The following WWOX variants were observed in gnomAD, a reference collection of about 807,000 sequenced individuals.
The protein encoded by WWOX is WW domain-containing oxidoreductase.
A neutral mutation model predicts 46.2 loss-of-function variants in WWOX; 69 were observed. The ratio of observed to expected loss-of-function variants is 1.49; its 90% CI spans 1.23 to 1.82. WWOX has a LOEUF of 1.82. Ranked by LOEUF, WWOX falls within the 40% of genes most tolerant of loss-of-function variation. The probability of loss-of-function intolerance (pLI) is 0.00; values close to 1 mark genes in which losing one functional copy is unlikely to be tolerated. For missense variants in WWOX, 919 were observed against 542.6 expected, an observed-to-expected ratio of 1.69 and a Z score of -6.89; for synonymous variants, 359 against 202.6, an observed-to-expected ratio of 1.77 and a Z score of -6.56.
intron 8 of WWOX, among the ~76,000 whole-genome samples, chr16:78,876,305 G>A (rs1242832048): frequency 2.0e-5 from 3 of 151,300 alleles, no homozygotes; most frequent in Non-Finnish European, 1.5e-5. Flanking sequence ...CTAAGTGATG[G>A]CTGCTTATGG....
At chr16:78,734,436 C>A (rs553967803) in intron 8 of WWOX, among the ~76,000 whole-genome samples, 1 of 152,164 alleles carries the variant, frequency 6.6e-6, no homozygotes, top group Non-Finnish European at 1.5e-5. Context: ...TTGCATGAAT[C>A]AACCTATTTA....
At chr16:78,261,119 C>T (rs1483239537) in intron 5 of WWOX, among the ~76,000 whole-genome samples, 1 of 150,718 alleles carries the variant, frequency 6.6e-6, no homozygotes, top group Non-Finnish European at 1.5e-5. Flanking sequence ...TTCACATTCA[C>T]ATTTTTTAAG....
chr16:78,115,930 G>A (rs1015409760), intron 4 of WWOX, among the ~76,000 whole-genome samples: 17 of 151,972 alleles, frequency 1.1e-4, no homozygotes, highest in African/African-American at 3.9e-4. Context: ...CTGTCCTTTT[G>A]GTCCCCCGCA....
At chr16:78,335,546 C>T (rs1000828378) in intron 5 of WWOX, among the ~76,000 whole-genome samples, 2 of 152,052 alleles carry the variant, frequency 1.3e-5, no homozygotes, top group South Asian at 2.1e-4. Context: ...GGAGTGATTC[C>T]GTGTCCTTGC....
intron 5 of WWOX, among the ~76,000 whole-genome samples, chr16:78,383,860 G>A (rs1272003912): frequency 1.3e-5 from 2 of 152,162 alleles, no homozygotes; most frequent in African/African-American, 4.8e-5. Context: ...CCCACAGCTT[G>A]TGGATTAGTC....
intron 8 of WWOX, chr16:79,205,210 GGT>G (rs1485175366): frequency 6.6e-6 from 1 of 152,202 alleles, no homozygotes; most frequent in Non-Finnish European, 1.5e-5. Flanking sequence ...TTGTGGTTGT[GGT>G]CTGTGCTTGA....
At chr16:78,582,635 C>G (rs531302378) in intron 8 of WWOX, among the ~76,000 whole-genome samples, 117 of 152,288 alleles carry the variant, frequency 7.7e-4, no homozygotes, top group African/African-American at 2.8e-3. Context: ...ATTGGTCCAA[C>G]CTTAGCCCGA....
intron 4 of WWOX, among the ~76,000 whole-genome samples, chr16:78,162,367 G>A (rs970928274): frequency 6.6e-6 from 1 of 151,936 alleles, no homozygotes; most frequent in Non-Finnish European, 1.5e-5. Context: ...ACTCTGATGT[G>A]CCTTGCTTTG....
chr16:78,369,561 C>G (rs1231581609), intron 5 of WWOX, among the ~76,000 whole-genome samples: 1 of 152,148 alleles, frequency 6.6e-6, no homozygotes, highest in African/African-American at 2.4e-5. Flanking sequence ...AGTGCACCTG[C>G]CACAGTATTG....
chr16:78,747,304 G>C (rs1360059697), intron 8 of WWOX, among the ~76,000 whole-genome samples: 2 of 151,072 alleles, frequency 1.3e-5, no homozygotes, highest in African/African-American at 2.4e-5. Flanking sequence ...CAATTCTCTA[G>C]CCTCAGCCTC....
At chr16:78,244,926 A>G (rs1339032209) in intron 5 of WWOX, among the ~76,000 whole-genome samples, 1 of 152,232 alleles carries the variant, frequency 6.6e-6, no homozygotes, top group Non-Finnish European at 1.5e-5. Context: ...AAAAAGATTG[A>G]AAAAGAAAAT....
At chr16:78,547,800 C>G (rs1227968895) in intron 8 of WWOX, among the ~76,000 whole-genome samples, 1 of 152,018 alleles carries the variant, frequency 6.6e-6, no homozygotes, top group East Asian at 1.9e-4. Context: ...GGCTTTGCCT[C>G]AATGACCTAA....
intron 8 of WWOX, among the ~76,000 whole-genome samples, chr16:78,882,890 G>A (rs1204218129): frequency 1.3e-5 from 2 of 151,936 alleles, no homozygotes; most frequent in African/African-American, 4.8e-5. Flanking sequence ...GCTTGGTCGA[G>A]TGACACAAAC....
intron 8 of WWOX, among the ~76,000 whole-genome samples, chr16:78,763,856 T>A (rs7204300): frequency 0.21 from 32,607 of 152,166 alleles, 5,671 homozygotes; most frequent in African/African-American, 0.49. Context: ...CTAATTGCCC[T>A]GCAGAGTTTT....
chr16:78,674,097 T>G (rs1037705156), intron 8 of WWOX, among the ~76,000 whole-genome samples: 1 of 152,120 alleles, frequency 6.6e-6, no homozygotes, highest in African/African-American at 2.4e-5. Flanking sequence ...GGAATTTTGC[T>G]AAGTGATTGA....
At chr16:78,234,029 A>G (rs893394095) in intron 5 of WWOX, among the ~76,000 whole-genome samples, 7 of 152,130 alleles carry the variant, frequency 4.6e-5, no homozygotes, top group African/African-American at 1.7e-4. Context: ...AAGCCTGGGA[A>G]TAGGATGGCA....
intron 8 of WWOX, among the ~76,000 whole-genome samples, chr16:78,933,080 G>A (rs1044958100): frequency 7.2e-5 from 11 of 152,170 alleles, no homozygotes; most frequent in African/African-American, 2.2e-4. Context: ...CTTGCAAATC[G>A]AAAGCATCAG....
At chr16:78,542,838 G>C (rs2043930971) in intron 8 of WWOX, among the ~76,000 whole-genome samples, 1 of 152,106 alleles carries the variant, frequency 6.6e-6, no homozygotes, top group Non-Finnish European at 1.5e-5. Flanking sequence ...AATTGAGATG[G>C]GATTCTCAGT....
At chr16:79,154,872 G>C (rs889394453) in intron 8 of WWOX, among the ~76,000 whole-genome samples, 6 of 152,162 alleles carry the variant, frequency 3.9e-5, no homozygotes, top group Non-Finnish European at 7.3e-5. Context: ...TAGGCTCTCA[G>C]TGCCTGTTTC....
Sources: allele counts gnomAD v4.1 joint callset (sites outside exome capture counted in the v4.1 genomes callset), GRCh38; gene constraint gnomAD v4.1.1; transcripts MANE v1.5; gene names NCBI Gene and HGNC (gene_info 2026-07-23, HGNC 2026-07-21).